HSD17B12: variants seen among roughly 807,000 people sequenced by gnomAD.
The protein encoded by HSD17B12 is very-long-chain 3-oxoacyl-CoA reductase.
Under a neutral mutation model 39.3 loss-of-function variants are expected in HSD17B12, and 32 were observed. That is an observed-to-expected ratio of 0.81 (90% CI 0.61 to 1.09). The LOEUF (loss-of-function observed/expected upper bound fraction) is 1.09, where lower values mean the gene tolerates loss of function less well. Ranked by LOEUF, HSD17B12 falls within the 50% of genes least tolerant of loss-of-function variation. HSD17B12 has a pLI of 0.00. For synonymous variants in HSD17B12, 150 were observed against 146.7 expected, an observed-to-expected ratio of 1.02 and a Z score of -0.16; for missense variants, 342 against 382.9, an observed-to-expected ratio of 0.89 and a Z score of 0.89.
intron 7 of HSD17B12, among the ~76,000 whole-genome samples, chr11:43,835,321 C>T (rs560243259): frequency 1.3e-5 from 2 of 152,090 alleles, no homozygotes; most frequent in Admixed American, 6.6e-5. Context: ...CTAGACAACA[C>T]GGTTGATTTA....
chr11:43,701,948 T>C (rs1949968930), intron 1 of HSD17B12, among the ~76,000 whole-genome samples: 2 of 152,216 alleles, frequency 1.3e-5, no homozygotes, highest in African/African-American at 2.4e-5. Flanking sequence ...ATATCAATTC[T>C]TCCAATCCAT....
chr11:43,680,974 C>T lies in HSD17B12; in HGVS notation c.147C>T (p.Leu49=), dbSNP rs376954390. The change falls in exon 1 of 11, where the codon CTC becomes CTT. Residue 49 remains leucine (L), a synonymous_variant. Transcript: ENST00000278353. ...VGNEAGVGPG[L]GEWAVVTGST... The stretch of plus-strand genomic sequence containing the variant: ...ATGAGGCGGGGGTCGGCCCGGGGCT[C>T]GGAGAATGGGCAGGTGAGTCGGATG... 4.4e-4 allele frequency: 702 copies of T among 1,604,108 alleles called. 4 individuals are homozygous for T. Among genetic ancestry groups the T allele is most frequent in the Admixed American group, 1.5e-4 (9 of 59,184 alleles).
At chr11:43,642,648 A>G in the HSD17B12 span, among the ~76,000 whole-genome samples, 2 of 151,862 alleles carry the variant, frequency 1.3e-5, no homozygotes, top group Non-Finnish European at 3.0e-5. Flanking sequence ...GGTAGCTATT[A>G]AAAAAGAGAG....
At chr11:43,823,106 T>C (rs1951198855) in intron 6 of HSD17B12, among the ~76,000 whole-genome samples, 1 of 152,176 alleles carries the variant, frequency 6.6e-6, no homozygotes, top group Non-Finnish European at 1.5e-5. Flanking sequence ...AATTTAGTTC[T>C]TCCTTCATCA....
At chr11:43,788,184 A>C (rs1385338324) in intron 3 of HSD17B12, among the ~76,000 whole-genome samples, 2 of 152,140 alleles carry the variant, frequency 1.3e-5, no homozygotes, top group African/African-American at 4.8e-5. Flanking sequence ...CCTGCATGGA[A>C]AATTGGTCAG....
At chr11:43,577,770 T>C in the HSD17B12 span, among the ~76,000 whole-genome samples, 1 of 152,336 alleles carries the variant, frequency 6.6e-6, no homozygotes, top group Non-Finnish European at 1.5e-5. Flanking sequence ...GAGTTGCTGG[T>C]GCGATGCGCA....
At chr11:43,760,033 A>G (rs928836282) in intron 3 of HSD17B12, among the ~76,000 whole-genome samples, 2 of 152,000 alleles carry the variant, frequency 1.3e-5, no homozygotes, top group Admixed American at 1.3e-4. Flanking sequence ...GTAACTGGGA[A>G]TAAGAGGCAC....
chr11:43,622,595 T>G, the HSD17B12 span, among the ~76,000 whole-genome samples: 1 of 152,142 alleles, frequency 6.6e-6, no homozygotes, highest in Non-Finnish European at 1.5e-5. Flanking sequence ...AACCAGCTTT[T>G]ATAAAGAAAA....
At chr11:43,633,108 G>A in the HSD17B12 span, among the ~76,000 whole-genome samples, 2 of 152,124 alleles carry the variant, frequency 1.3e-5, no homozygotes, top group Non-Finnish European at 2.9e-5. Flanking sequence ...CATAATGTAT[G>A]TTGTACCCAC....
chr11:43,696,190 A>G lies in HSD17B12; in HGVS notation c.160+15203A>G, dbSNP rs558309193. On this transcript the variant is annotated intron_variant, in intron 1 of 10. Coordinates refer to ENST00000278353, the MANE Select transcript of HSD17B12 (RefSeq NM_016142.3). ...AAAGGACATGATCTTGTTCTTTTTT[A>G]TGGAGCAGATAAATATTCATTGTGT... Among the ~76,000 whole-genome samples, 5 of 152,226 alleles carry G rather than the reference A, an allele frequency of 3.3e-5. No individual in the cohort carries two copies. In the East Asian group the frequency reaches 9.7e-4, roughly 29 times the overall value.
At chr11:43,741,985 C>T (rs1161646110) in intron 1 of HSD17B12, among the ~76,000 whole-genome samples, 8 of 150,312 alleles carry the variant, frequency 5.3e-5, no homozygotes, top group African/African-American at 1.5e-4. Context: ...CTGCCTGCCT[C>T]GGCCTCCCAA....
chr11:43,583,833 C>T, the HSD17B12 span, among the ~76,000 whole-genome samples: 1 of 152,234 alleles, frequency 6.6e-6, no homozygotes, highest in Admixed American at 6.5e-5. Context: ...GGAGCAGCAC[C>T]TCAGGAACCC....
At chr11:43,613,540 A>G in the HSD17B12 span, among the ~76,000 whole-genome samples, 1 of 152,126 alleles carries the variant, frequency 6.6e-6, no homozygotes, top group Non-Finnish European at 1.5e-5. Context: ...AAATGTAAGC[A>G]GGGAAACCAA....
At chr11:43,606,021 G>A in the HSD17B12 span, among the ~76,000 whole-genome samples, 1 of 152,198 alleles carries the variant, frequency 6.6e-6, no homozygotes, top group African/African-American at 2.4e-5. Context: ...CTCTAATGCT[G>A]CAATATCCTA....
At chr11:43,613,018 A>C in the HSD17B12 span, among the ~76,000 whole-genome samples, 1 of 152,186 alleles carries the variant, frequency 6.6e-6, no homozygotes, top group East Asian at 1.9e-4. Context: ...GTACCCAGGA[A>C]CCAGGTTTGT....
chr11:43,657,183 G>A, the HSD17B12 span, among the ~76,000 whole-genome samples: 1 of 152,182 alleles, frequency 6.6e-6, no homozygotes, highest in African/African-American at 2.4e-5. Context: ...TTTGATCTTT[G>A]TTGATTTAAA....
chr11:43,640,793 A>G, the HSD17B12 span, among the ~76,000 whole-genome samples: 2 of 152,028 alleles, frequency 1.3e-5, no homozygotes, highest in Admixed American at 6.5e-5. Flanking sequence ...AAAATTCAAA[A>G]TGGGGTTTTT....
At chr11:43,774,571 A>G (rs144816529) in intron 3 of HSD17B12, among the ~76,000 whole-genome samples, 1 of 152,262 alleles carries the variant, frequency 6.6e-6, no homozygotes, top group African/African-American at 2.4e-5. Context: ...AGGGTCCAAC[A>G]ACCCATGGAC....
chr11:43,744,443 G>C (rs1950396057), intron 1 of HSD17B12, among the ~76,000 whole-genome samples: 1 of 152,206 alleles, frequency 6.6e-6, no homozygotes, highest in Non-Finnish European at 1.5e-5. Flanking sequence ...AGACAACGGA[G>C]AGTTGTCTAA....
Sources: allele counts gnomAD v4.1 joint callset (sites outside exome capture counted in the v4.1 genomes callset), GRCh38; gene constraint gnomAD v4.1.1; transcripts MANE v1.5; gene names NCBI Gene and HGNC (gene_info 2026-07-23, HGNC 2026-07-21).